The following BCL9 variants were observed in gnomAD, a reference collection of about 807,000 sequenced individuals.
The protein encoded by BCL9 is BCL9 transcription coactivator, also known as B-cell CLL/lymphoma 9 protein.
A neutral mutation model predicts 88.5 loss-of-function variants in BCL9; 25 were observed. The observed-to-expected ratio is 0.28, with a 90% CI of 0.21 to 0.39. BCL9 has a LOEUF of 0.39. BCL9 is among the 10% of genes least tolerant of loss of function. BCL9 has a pLI of 1.00. For synonymous variants in BCL9, 711 were observed against 673.3 expected, an observed-to-expected ratio of 1.06 and a Z score of -0.87; for missense variants, 1,817 against 1,877.8, an observed-to-expected ratio of 0.97 and a Z score of 0.60.
chr1:147,550,083 A>G (rs1167917846), intron 1 of BCL9, among the ~76,000 whole-genome samples: 1 of 152,038 alleles, frequency 6.6e-6, no homozygotes, highest in Non-Finnish European at 1.5e-5. Flanking sequence ...CCTAATTTAG[A>G]TTCCCAAGAA....
Position 147,624,849 on chromosome 1 carries a change from CAACAGAACA to C in BCL9, c.4172_4180del (p.Gln1391_Ile1394delinsLeu). The stretch of plus-strand genomic sequence containing the variant: ...GTCCATGCAGGGCATGATGGGACCC[CAACAGAACA>C]TCATGATCCCCCCACAGATGAGGCC... On this transcript the variant is annotated inframe_deletion, in exon 10 of 10. Coordinates refer to ENST00000234739, the MANE Select transcript of BCL9 (RefSeq NM_004326.4). This position sits in a 1 kb window ranked among gnomAD's most constrained non-coding sequence, Gnocchi z 4.4. 1 of 1,614,076 alleles carries C rather than the reference CAACAGAACA, an allele frequency of 6.2e-7. No individual in the cohort carries two copies. Among genetic ancestry groups the C allele is most frequent in the Non-Finnish European group, 8.5e-7 (1 of 1,180,014 alleles).
intron 1 of BCL9, among the ~76,000 whole-genome samples, chr1:147,594,307 T>C (rs373619604): frequency 9.2e-5 from 14 of 152,330 alleles, no homozygotes; most frequent in Admixed American, 4.6e-4. Flanking sequence ...TAAGGAGGAA[T>C]TTGTGGACAC....
intron 5 of BCL9, 96 bp downstream of exon 5, chr1:147,613,295 C>G: frequency 2.4e-6 from 3 of 1,243,302 alleles, no homozygotes; most frequent in Non-Finnish European, 3.5e-6. Context: ...TAATATCAGA[C>G]AAGTGGGGAG....
In BCL9 at chr1:147,618,873, G is replaced by A. The variant is rs782766696; in HGVS notation, c.718G>A (p.Ala240Thr). The A allele has an allele frequency of 3.9e-5, 63 of 1,606,740 alleles. No individual in the cohort carries two copies. The highest frequency in any genetic ancestry group is 5.1e-5 in the Non-Finnish European group (60 of 1,176,310). Residue 240 changes from alanine (A) to threonine (T), a missense_variant, in exon 8 of 10, where the codon GCT (alanine) becomes ACT (threonine). By Grantham distance (58) the Ala-to-Thr change is moderately conservative. Transcript: ENST00000234739. ...DPKPLPQQPP[A>T]PANQDQNSSQ... ...GAAACCTCTCCCACAACAGCCCCCA[G>A]CTCCGGCCAACCAGGACCAGAATTC...
rs1036667818 is a variant in BCL9, at chr1:147,620,360, G to A, written c.2205G>A (p.Gln735=). The A allele has an allele frequency of 3.7e-6, 6 of 1,614,222 alleles. No individual in the cohort carries two copies. In the African/African-American group the frequency reaches 5.3e-5, roughly 14 times the overall value. Residue 735 remains glutamine (Q), a synonymous_variant, in exon 8 of 10, where the codon CAG becomes CAA. Coordinates refer to ENST00000234739, the MANE Select transcript of BCL9 (RefSeq NM_004326.4). ...NMGSNSQMIP[Q]KMREAGAGPE... is the part of the protein sequence containing the mutation. ...GATCCAACTCTCAGATGATACCTCA[G>A]AAGATGAGAGAGGCTGGGGCGGGCC...
In BCL9 at chr1:147,624,865, T is replaced by C. The variant is rs782186540; in HGVS notation, c.4187T>C (p.Ile1396Thr). ...GMMGPQQNIMIPPQMRPRGMA... is the reference protein window; with the variant it reads ...GMMGPQQNIMTPPQMRPRGMA... ...ATGGGACCCCAACAGAACATCATGA[T>C]CCCCCCACAGATGAGGCCCCGGGGC... Residue 1396 changes from isoleucine to threonine, a missense_variant, in exon 10 of 10, where the codon ATC (isoleucine) becomes ACC (threonine). By Grantham distance (89) the Ile-to-Thr change is moderately conservative. Around this residue, in one of 2 missense-constraint regions of BCL9, gnomAD observed 589 missense variants for 686.2 expected, o/e 0.86. Transcript: ENST00000234739. The surrounding 1 kb of genome is among the most constrained non-coding windows in gnomAD (Gnocchi z 4.4). The C allele has an allele frequency of 1.1e-5, 18 of 1,613,800 alleles. No individual in the cohort carries two copies. The highest frequency in any genetic ancestry group is 1.5e-5 in the Non-Finnish European group (18 of 1,179,924).
intron 1 of BCL9, among the ~76,000 whole-genome samples, chr1:147,572,064 C>G (rs1655910011): frequency 8.8e-6 from 1 of 114,186 alleles, no homozygotes; most frequent in African/African-American, 3.1e-5. Flanking sequence ...ACGGTGAAAC[C>G]CCGTCTGTAC....
chr1:147,573,948 T>C (rs1553197792), intron 1 of BCL9, among the ~76,000 whole-genome samples: 2 of 152,182 alleles, frequency 1.3e-5, no homozygotes, highest in East Asian at 3.9e-4. Context: ...GAGGTGGATA[T>C]TATGGTGCCT....
chr1:147,620,464 G>A lies in BCL9; in HGVS notation c.2309G>A (p.Gly770Asp). 1 of 1,614,076 alleles carries A rather than the reference G, an allele frequency of 6.2e-7. No individual in the cohort carries two copies. The highest frequency in any genetic ancestry group is 1.1e-5 in the South Asian group (1 of 91,080). Residue 770 changes from glycine (G) to aspartate (D), a missense_variant, in exon 8 of 10, where the codon GGT becomes GAT. By Grantham distance (94) the Gly-to-Asp change is moderately conservative (BLOSUM62 -1). Around this residue, in one of 2 missense-constraint regions of BCL9, gnomAD observed 1,228 missense variants for 1,191.6 expected, o/e 1.03. Coordinates refer to ENST00000234739, the MANE Select transcript of BCL9 (RefSeq NM_004326.4). ...AQQKMVPLPF[G>D]EHPQQEYGMG... ...CAGAAGATGGTGCCACTGCCATTTG[G>A]TGAGCACCCCCAGCAGGAGTATGGC...
chr1:147,602,646 T>C (rs971275889), intron 1 of BCL9, among the ~76,000 whole-genome samples: 5 of 152,172 alleles, frequency 3.3e-5, no homozygotes, highest in African/African-American at 9.7e-5. Flanking sequence ...GAATATAAGA[T>C]GATAATGGTT....
intron 7 of BCL9, among the ~76,000 whole-genome samples, chr1:147,618,179 T>C (rs1263952363): frequency 6.6e-6 from 1 of 152,184 alleles, no homozygotes; most frequent in Non-Finnish European, 1.5e-5. Flanking sequence ...TCTTATCAAA[T>C]GTGGAATCAG....
intron 1 of BCL9, among the ~76,000 whole-genome samples, chr1:147,578,749 A>G (rs782108734): frequency 5.9e-5 from 9 of 152,052 alleles, no homozygotes; most frequent in Admixed American, 5.9e-4. Flanking sequence ...TTCTGTGCAC[A>G]TGGTTTGTGT....
chr1:147,554,976 T>C (rs1290781400), intron 1 of BCL9, among the ~76,000 whole-genome samples: 7 of 152,150 alleles, frequency 4.6e-5, no homozygotes, highest in African/African-American at 1.4e-4. Context: ...ATTTTAGAAG[T>C]ATAAAACATT....
At chr1:147,546,664 G>A (rs1654609037) in intron 1 of BCL9, among the ~76,000 whole-genome samples, 1 of 152,216 alleles carries the variant, frequency 6.6e-6, no homozygotes, top group Non-Finnish European at 1.5e-5. Context: ...CACCTTATAT[G>A]AAGCCCAATT....
At chr1:147,583,741 T>C (rs1656473610) in intron 1 of BCL9, among the ~76,000 whole-genome samples, 1 of 151,074 alleles carries the variant, frequency 6.6e-6, no homozygotes, top group African/African-American at 2.4e-5. Context: ...TCACCTGAGG[T>C]CAGGGGTGCG....
Position 147,618,863 on chromosome 1 carries a change from A to C in BCL9, c.708A>C (p.Gln236His). The change falls in exon 8 of 10, where the codon CAA becomes CAC. Residue 236 changes from glutamine (Q) to histidine (H), a missense_variant. By Grantham distance (24) the Gln-to-His change is conservative. Around this residue, in one of 2 missense-constraint regions of BCL9, gnomAD observed 1,228 missense variants for 1,191.6 expected, o/e 1.03. Transcript: ENST00000234739. ...GGAATGATCCGAAACCTCTCCCACA[A>C]CAGCCCCCAGCTCCGGCCAACCAGG... is the stretch of plus-strand genomic sequence containing the variant. Reference protein sequence around the residue: ...ALRNDPKPLPQQPPAPANQDQ... With the variant: ...ALRNDPKPLPHQPPAPANQDQ... The C allele has an allele frequency of 1.3e-6, 2 of 1,596,588 alleles. No individual in the cohort carries two copies. Among genetic ancestry groups the C allele is most frequent in the Non-Finnish European group, 1.7e-6 (2 of 1,172,326 alleles).
At chr1:147,589,589 T>C (rs1398912821) in intron 1 of BCL9, among the ~76,000 whole-genome samples, 1 of 152,246 alleles carries the variant, frequency 6.6e-6, no homozygotes, top group Non-Finnish European at 1.5e-5. Flanking sequence ...TGTAGTCTTT[T>C]GCATCTGGCT....
chr1:147,550,751 G>C (rs1377945736), intron 1 of BCL9, among the ~76,000 whole-genome samples: 1 of 152,164 alleles, frequency 6.6e-6, no homozygotes, highest in Non-Finnish European at 1.5e-5. Context: ...GTAACTTCTG[G>C]AACAGTCTGT....
chr1:147,557,420 G>A (rs1485638705), intron 1 of BCL9, among the ~76,000 whole-genome samples: 1 of 152,198 alleles, frequency 6.6e-6, no homozygotes, highest in Non-Finnish European at 1.5e-5. Context: ...TTGTGACAAA[G>A]TAAAGCATCT....
Sources: gnomAD v4.1 joint callset for allele counts (sites outside exome capture counted in the v4.1 genomes callset) on GRCh38, gnomAD v4.1.1 for gene constraint, gnomAD v4.1.1 regional missense constraint, Gnocchi (gnomAD v3.1) non-coding constraint, MANE v1.5 for transcripts, NCBI Gene and HGNC (gene_info 2026-07-23, HGNC 2026-07-21) for gene names.